Variants in RIF1 observed in about 807,000 individuals in gnomAD.
RIF1 encodes replication timing regulatory factor 1.
In RIF1, 45 loss-of-function variants were observed where a neutral mutation model predicts 247.1. The ratio of observed to expected loss-of-function variants is 0.18; its 90% confidence interval spans 0.14 to 0.23. RIF1 has a LOEUF of 0.23. RIF1 is among the 10% of genes least tolerant of loss of function. The probability of loss-of-function intolerance (pLI) is 1.00; values close to 1 mark genes in which losing one functional copy is unlikely to be tolerated. For synonymous variants in RIF1, 1,087 were observed against 978.8 expected, an observed-to-expected ratio of 1.11 and a Z score of -2.06; for missense variants, 2,967 against 2,862.5, an observed-to-expected ratio of 1.04 and a Z score of -0.83.
intron 20 of RIF1, 34 bp downstream of exon 20, chr2:151,446,609 G>A: frequency 6.3e-7 from 1 of 1,590,988 alleles, no homozygotes; most frequent in South Asian, 1.2e-5. Flanking sequence ...TTTTTTGTTT[G>A]TTTTTAAAGG....
chr2:151,464,464 T>C lies in RIF1; in HGVS notation c.4944T>C (p.Asn1648=), dbSNP rs1360373622. 6.2e-7 allele frequency: 1 copy of C among 1,613,656 alleles called. No individual in the cohort carries two copies. Among genetic ancestry groups the C allele is most frequent in the Non-Finnish European group, 8.5e-7 (1 of 1,179,882 alleles). The change falls in exon 30 of 36, where the codon AAT becomes AAC. Residue 1648 remains asparagine (N), a synonymous_variant. Coordinates refer to ENST00000444746, the MANE Select transcript of RIF1 (RefSeq NM_018151.5). ...TGCAAGTTCCTGATGATTTACCAAA[T>C]GTGTGTGAGGAAAAAAATGAAACTA... is the stretch of plus-strand genomic sequence containing the variant. ...DLLQVPDDLP[N]VCEEKNETSK...
chr2:151,444,189 G>C (rs925896942), intron 18 of RIF1, among the ~76,000 whole-genome samples: 1 of 152,214 alleles, frequency 6.6e-6, no homozygotes, highest in African/African-American at 2.4e-5. Context: ...ATAGTGGCAG[G>C]CTGTGGGGCA....
At chr2:151,503,008 G>A (rs2065905881) in intron 11 of RIF1, 2 of 633,086 alleles carry the variant, frequency 3.2e-6, no homozygotes, top group Admixed American at 6.5e-5. Context: ...TATTTAGTAA[G>A]GATAATGTTT....
downstream of RIF1, among the ~76,000 whole-genome samples, chr2:151,483,757 A>C (rs1160535854): frequency 1.3e-5 from 2 of 152,174 alleles, no homozygotes; most frequent in African/African-American, 4.8e-5. Flanking sequence ...CAGGAGGTCG[A>C]GTGGCCGGTG....
chr2:151,513,858 G>A, the RIF1 span, among the ~76,000 whole-genome samples: 1 of 152,206 alleles, frequency 6.6e-6, no homozygotes, highest in Non-Finnish European at 1.5e-5. Flanking sequence ...ATGAAGTGGT[G>A]TCTTCAGAAG....
chr2:151,413,404 G>T (rs1686631967), intron 3 of RIF1, among the ~76,000 whole-genome samples: 2 of 152,166 alleles, frequency 1.3e-5, no homozygotes, highest in Admixed American at 1.3e-4. Context: ...ATGGAAGGTT[G>T]ATAATAGGAC....
intron 9 of RIF1, among the ~76,000 whole-genome samples, chr2:151,431,010 A>T (rs1690026685): frequency 6.6e-6 from 1 of 152,172 alleles, no homozygotes; most frequent in East Asian, 1.9e-4. Context: ...GCTGGCATGT[A>T]TTTGGGTCTA....
rs77049879 is a variant in RIF1, at chr2:151,433,874, C to T, written c.1077+646C>T. Among the ~76,000 whole-genome samples, 433 of 152,158 alleles carry T rather than the reference C, an allele frequency of 2.8e-3. 5 individuals are homozygous for T. Among genetic ancestry groups the T allele is most frequent in the African/African-American group, 9.6e-3 (397 of 41,516 alleles). ...ATATAATTGAGAAGAAAACCAGCAT[C>T]AGTGAAATAGAAATCAGCCGGGCGC... On this transcript the variant is annotated intron_variant, in intron 10 of 35. Coordinates refer to ENST00000444746, the MANE Select transcript of RIF1 (RefSeq NM_018151.5).
intron 24 of RIF1, among the ~76,000 whole-genome samples, chr2:151,458,571 T>A (rs541800394): frequency 6.6e-6 from 1 of 152,152 alleles, no homozygotes; most frequent in Non-Finnish European, 1.5e-5. Flanking sequence ...CTTTATATAA[T>A]ATTCTACTTC....
At chr2:151,505,439 G>C (rs769111232) in intron 12 of RIF1, 1 of 1,520,950 alleles carries the variant, frequency 6.6e-7, no homozygotes, top group South Asian at 1.1e-5. Flanking sequence ...TTGAGAGATG[G>C]CCAGTCACAC....
intron 18 of RIF1, among the ~76,000 whole-genome samples, chr2:151,443,995 TTTTA>T (rs2152395426): frequency 6.6e-6 from 1 of 152,360 alleles, no homozygotes; most frequent in African/African-American, 2.4e-5. Context: ...CTTTCAGTAG[TTTTA>T]TTAACAGGGA....
chr2:151,512,339 C>CT (rs943434444), downstream of RIF1, among the ~76,000 whole-genome samples: 207 of 148,652 alleles, frequency 1.4e-3, no homozygotes, highest in African/African-American at 2.8e-3. Flanking sequence ...GGGCTTCTCT[C>CT]TTTTTTTTTT....
intron 21 of RIF1, among the ~76,000 whole-genome samples, chr2:151,452,186 TACC>T (rs1425707826): frequency 6.6e-6 from 1 of 152,234 alleles, no homozygotes; most frequent in African/African-American, 2.4e-5. Context: ...ACTCATCGTT[TACC>T]TGAAACATGG....
intron 4 of RIF1, among the ~76,000 whole-genome samples, chr2:151,415,327 A>T (rs1434321363): frequency 6.8e-6 from 1 of 146,772 alleles, no homozygotes; most frequent in African/African-American, 2.6e-5. Context: ...AACCTGGGTG[A>T]TAAGTGAGAC....
chr2:151,492,874 T>C lies in RIF1; in HGVS notation c.*416-2355T>C, dbSNP rs556772125. The C allele has an allele frequency of 3.7e-4, 69 of 184,978 alleles. No individual in the cohort carries two copies. In the South Asian group the frequency reaches 9.3e-3, roughly 25 times the overall value. The allele number at this position is 184,978 out of a possible 1,614,324, so 11.5% of individuals were successfully genotyped here. ...CTTTAAAACAAGTGATTATTTTCCT[T>C]AGGTTGTGTCCAGACTTCATAAACC... On this transcript the variant is annotated intron_variant and NMD_transcript_variant, in intron 9 of 13. Transcript: ENST00000454583.
In RIF1 at chr2:151,497,915, G is replaced by A. The variant is rs527322850; in HGVS notation, c.*514-1430G>A. 40 of 1,470,584 alleles carry A rather than the reference G, an allele frequency of 2.7e-5. No individual in the cohort carries two copies. In the South Asian group the frequency reaches 5.0e-4, roughly 18 times the overall value. 91.1% of individuals were successfully genotyped at this position (1,470,584 alleles called of 1,614,324 possible). On this transcript the variant is annotated intron_variant and NMD_transcript_variant, in intron 10 of 13. Coordinates refer to the RIF1 transcript ENST00000454583. ...CTCTAGAGAAGCAGGGACTTCAGCTGCTGAGGAAGGGCTGTCAGAGTTATC... is the reference window on the plus strand; with the variant it reads ...CTCTAGAGAAGCAGGGACTTCAGCTACTGAGGAAGGGCTGTCAGAGTTATC...
chr2:151,526,938 TC>T, the RIF1 span: 1 of 1,598,056 alleles, frequency 6.3e-7, no homozygotes, highest in Non-Finnish European at 8.5e-7. Flanking sequence ...ATTAAAGTAT[TC>T]CTGAGGGCGA....
intron 11 of RIF1, among the ~76,000 whole-genome samples, chr2:151,500,720 C>T (rs2063830598): frequency 6.6e-6 from 1 of 151,466 alleles, no homozygotes; most frequent in African/African-American, 2.4e-5. Context: ...ACCTCAGCCT[C>T]CCAAGTAGCT....
intron 4 of RIF1, among the ~76,000 whole-genome samples, chr2:151,415,857 A>G (rs1687134506): frequency 6.6e-6 from 1 of 152,196 alleles, no homozygotes; most frequent in Non-Finnish European, 1.5e-5. Flanking sequence ...AGCCTGGGCA[A>G]GAGTGAAACT....
Sources: gnomAD v4.1 joint callset for allele counts (sites outside exome capture counted in the v4.1 genomes callset) on GRCh38, gnomAD v4.1.1 for gene constraint, MANE v1.5 for transcripts, NCBI Gene and HGNC (gene_info 2026-07-23, HGNC 2026-07-21) for gene names.